ARMC3: variants seen among roughly 807,000 people sequenced by gnomAD.
ARMC3 encodes armadillo repeat-containing protein 3.
Under a neutral mutation model 90.3 loss-of-function variants are expected in ARMC3, and 74 were observed. That is an observed-to-expected ratio of 0.82 (90% CI 0.68 to 0.99). ARMC3 has a LOEUF of 0.99. Ranked by LOEUF, ARMC3 falls within the 50% of genes least tolerant of loss-of-function variation. The pLI is 0.00. For missense variants in ARMC3, 958 were observed against 1,042.8 expected (o/e 0.92, Z 1.12); for synonymous variants, 334 against 361.8 (o/e 0.92, Z 0.87).
intron 10 of ARMC3, among the ~76,000 whole-genome samples, chr10:22,994,515 T>C (rs1212944778): frequency 6.6e-6 from 1 of 152,070 alleles, no homozygotes; most frequent in Admixed American, 6.5e-5. Context: ...CTGGGCAACG[T>C]AGCAAGACTC....
intron 2 of ARMC3, among the ~76,000 whole-genome samples, chr10:22,942,066 G>A (rs1007336842): frequency 9.2e-5 from 14 of 152,218 alleles, no homozygotes; most frequent in African/African-American, 3.4e-4. Context: ...AGACAAGGAG[G>A]TTTATGCTTT....
intron 2 of ARMC3, among the ~76,000 whole-genome samples, chr10:22,940,563 T>C (rs1411972171): frequency 6.6e-6 from 1 of 152,092 alleles, no homozygotes. Flanking sequence ...TGTAGCTCAC[T>C]GCAGCCTTGA....
chr10:23,015,628 T>C (rs1274350327), intron 16 of ARMC3, among the ~76,000 whole-genome samples: 2 of 152,224 alleles, frequency 1.3e-5, no homozygotes, highest in East Asian at 1.9e-4. Flanking sequence ...CTTTTAGATA[T>C]TTACAGCAAA....
At chr10:23,027,486 T>C (rs1227362388) in intron 16 of ARMC3, among the ~76,000 whole-genome samples, 1 of 152,194 alleles carries the variant, frequency 6.6e-6, no homozygotes, top group Non-Finnish European at 1.5e-5. Flanking sequence ...GTGTTGATCT[T>C]ATATCCTGAC....
chr10:23,032,737 AT>A lies in ARMC3; in HGVS notation c.2247-123del, dbSNP rs1838963167. The stretch of plus-strand genomic sequence containing the variant: ...ATTTATGGTTAGTACTTTCTCAAAA[AT>A]AAAGCACAACAAAAATCACAGCAAA... On this transcript the variant is annotated intron_variant, in intron 17 of 18. Coordinates refer to ENST00000298032, the MANE Select transcript of ARMC3 (RefSeq NM_173081.5). 2.8e-6 allele frequency: 3 copies of A among 1,061,050 alleles called. No homozygotes were observed. In the Admixed American group the frequency reaches 8.6e-5, roughly 31 times the overall value. 65.7% of individuals were successfully genotyped at this position (1,061,050 alleles called of 1,614,324 possible). A position where few individuals can be genotyped will look rare whatever the true frequency, so the allele number is the denominator to read the frequency against.
At chr10:22,983,830 C>G (rs989368455) in intron 10 of ARMC3, among the ~76,000 whole-genome samples, 1 of 152,156 alleles carries the variant, frequency 6.6e-6, no homozygotes, top group African/African-American at 2.4e-5. Flanking sequence ...CCAAATATAA[C>G]AGAAGTGACT....
chr10:23,030,962 T>A, intron 17 of ARMC3, 166 bp downstream of exon 17: 1 of 739,794 alleles, frequency 1.4e-6, no homozygotes, highest in Non-Finnish European at 2.1e-6. Context: ...CAACTTCTAT[T>A]TAGGTCATAC....
intron 2 of ARMC3, among the ~76,000 whole-genome samples, chr10:22,938,248 G>A (rs1241711789): frequency 6.6e-6 from 1 of 152,072 alleles, no homozygotes; most frequent in Non-Finnish European, 1.5e-5. Flanking sequence ...GTGTGTTTGA[G>A]GAATGCCAGG....
At chr10:22,968,874 G>A (rs1456089737) in intron 8 of ARMC3, among the ~76,000 whole-genome samples, 3 of 152,008 alleles carry the variant, frequency 2.0e-5, no homozygotes, top group African/African-American at 7.2e-5. Flanking sequence ...GCATTTGTCT[G>A]CTTTTAAAAA....
chr10:22,989,430 A>G (rs1836609833), intron 10 of ARMC3, among the ~76,000 whole-genome samples: 1 of 151,984 alleles, frequency 6.6e-6, no homozygotes, highest in Admixed American at 6.6e-5. Flanking sequence ...AAGAAATCTC[A>G]TTGCTATTAT....
intron 2 of ARMC3, among the ~76,000 whole-genome samples, chr10:22,941,123 T>C (rs897056827): frequency 6.6e-6 from 1 of 152,130 alleles, no homozygotes; most frequent in African/African-American, 2.4e-5. Context: ...TCATTACTAC[T>C]AAATTATAGG....
intron 16 of ARMC3, among the ~76,000 whole-genome samples, chr10:23,028,190 G>T (rs1649007576): frequency 6.6e-6 from 1 of 152,050 alleles, no homozygotes; most frequent in Non-Finnish European, 1.5e-5. Flanking sequence ...TCTGGGTGTT[G>T]TTCAGATTGG....
At chr10:22,972,465 A>G (rs1036030247) in intron 8 of ARMC3, among the ~76,000 whole-genome samples, 2 of 152,188 alleles carry the variant, frequency 1.3e-5, no homozygotes, top group African/African-American at 4.8e-5. Context: ...ATTCAAGCAG[A>G]TAGTCTTTAA....
chr10:22,961,768 G>T, intron 6 of ARMC3, 116 bp from the exon 7 acceptor site: 1 of 821,088 alleles, frequency 1.2e-6, no homozygotes. Context: ...AAGGGAATCT[G>T]GAATAAAAGA....
intron 10 of ARMC3, among the ~76,000 whole-genome samples, chr10:22,985,816 G>A (rs981206037): frequency 6.6e-6 from 1 of 152,072 alleles, no homozygotes; most frequent in Non-Finnish European, 1.5e-5. Context: ...TTCCGCTTCC[G>A]GGAGTATTTT....
rs1554787800 is a variant in ARMC3 at position 23,024,393 on chromosome 10, C to CAGACAG, written c.2046-6202_2046-6201insGACAGA. Among the ~76,000 whole-genome samples the CAGACAG allele has an allele frequency of 5.1e-3, 685 of 133,540 alleles. 3 individuals carry two copies. The highest frequency in any genetic ancestry group is 0.017 in the African/African-American group (656 of 39,520). 87.6% of individuals were successfully genotyped at this position (133,540 alleles called of 152,430 possible). On this transcript the variant is annotated intron_variant, in intron 16 of 18. Coordinates refer to ENST00000298032, the MANE Select transcript of ARMC3 (RefSeq NM_173081.5). The stretch of plus-strand genomic sequence containing the variant: ...GGATTAGGAAGAAAGAGGAATGCCA[C>CAGACAG]ATAGATAGATAGATAGATAGATAGA...
At chr10:22,941,986 G>A (rs946992989) in intron 2 of ARMC3, among the ~76,000 whole-genome samples, 2 of 152,162 alleles carry the variant, frequency 1.3e-5, no homozygotes, top group African/African-American at 4.8e-5. Flanking sequence ...GGGTATAAAT[G>A]CAAAGAAGAA....
Position 23,037,601 on chromosome 10 carries a change from T to C in ARMC3, c.*122T>C, listed in dbSNP as rs1194755651. Reference sequence around the variant, plus strand: ...CTTTAAATAAAAGTATTAGAAATGTTTTCTCTGCGTAGAAATTAGGAAGCT... The same window carrying C: ...CTTTAAATAAAAGTATTAGAAATGTCTTCTCTGCGTAGAAATTAGGAAGCT... On this transcript the variant is annotated 3_prime_UTR_variant, in exon 19 of 19. Transcript: ENST00000298032. 8 of 920,234 alleles carry C rather than the reference T, an allele frequency of 8.7e-6. No homozygotes were observed. In the African/African-American group the frequency reaches 1.3e-4, roughly 15 times the overall value. 57.0% of individuals were successfully genotyped at this position (920,234 alleles called of 1,614,324 possible). A position where few individuals can be genotyped will look rare whatever the true frequency, so the allele number is the denominator to read the frequency against.
At chr10:22,984,496 GA>G (rs1250971026) in intron 10 of ARMC3, among the ~76,000 whole-genome samples, 2 of 152,014 alleles carry the variant, frequency 1.3e-5, no homozygotes, top group Non-Finnish European at 1.5e-5. Context: ...TCTAAAAATA[GA>G]ATTTTATAAT....
Sources: gnomAD v4.1 joint callset for allele counts (sites outside exome capture counted in the v4.1 genomes callset) on GRCh38, gnomAD v4.1.1 for gene constraint, MANE v1.5 for transcripts, NCBI Gene and HGNC (gene_info 2026-07-23, HGNC 2026-07-21) for gene names.